Variants in SLC1A2 observed in about 807,000 individuals in gnomAD.
SLC1A2 encodes solute carrier family 1 member 2, also known as excitatory amino acid transporter 2.
SLC1A2 carries 15 observed loss-of-function variants against 48.8 expected under a neutral mutation model. That is an observed-to-expected ratio of 0.31 (90% CI 0.21 to 0.47). The LOEUF (loss-of-function observed/expected upper bound fraction) is 0.47. Ranked by LOEUF, SLC1A2 falls within the 20% of genes least tolerant of loss-of-function variation. SLC1A2 has a pLI of 0.99. For missense variants in SLC1A2, 502 were observed against 730.5 expected (o/e 0.69, Z 3.61); for synonymous variants, 279 against 272.6 (o/e 1.02, Z -0.23).
intron 6 of SLC1A2, among the ~76,000 whole-genome samples, chr11:35,295,032 A>G (rs1315486331): frequency 6.6e-6 from 1 of 151,904 alleles, no homozygotes; most frequent in East Asian, 1.9e-4. Context: ...GCCTATTTTT[A>G]TTTTATTTAT....
Position 35,266,584 on chromosome 11 carries a change from A to C in SLC1A2, c.1422-826T>G, listed in dbSNP as rs1010229853. 3.9e-5 allele frequency among the ~76,000 whole-genome samples: 6 copies of C among 152,334 alleles called. 1 individual carries two copies. The highest frequency in any genetic ancestry group is 3.9e-4 in the Admixed American group (6 of 15,302). ...TGCCAGGAAAGCTAATTAAATTCTT[A>C]AGAGTAAGTTTTCTCCTCTCATCCA... On this transcript the variant is annotated intron_variant, in intron 9 of 10. Transcript: ENST00000278379.
chr11:35,298,537 A>G lies in SLC1A2; in HGVS notation c.857+2982T>C, dbSNP rs4756208. ...CTGATGCTGACGAGGCAGTGAAAGAATTAAAGAAATGTGTAGAATTGGCAT... is the reference window on the plus strand; with the variant it reads ...CTGATGCTGACGAGGCAGTGAAAGAGTTAAAGAAATGTGTAGAATTGGCAT... On this transcript the variant is annotated intron_variant, in intron 6 of 10. Transcript: ENST00000278379. 3.9e-4 allele frequency: 59 copies of G among 152,138 alleles called. No homozygotes were observed. The Middle Eastern group carries it at 0.01, about 26-fold the overall frequency. 9.4% of individuals were successfully genotyped at this position (152,138 alleles called of 1,614,324 possible).
intron 1 of SLC1A2, among the ~76,000 whole-genome samples, chr11:35,406,285 A>C (rs1366244639): frequency 6.6e-6 from 1 of 152,192 alleles, no homozygotes; most frequent in African/African-American, 2.4e-5. Flanking sequence ...ATCTAGGAGG[A>C]CATGATGATG....
intron 1 of SLC1A2, 142 bp from the exon 2 acceptor site, chr11:35,317,658 G>T (rs192723184): frequency 2.0e-6 from 2 of 993,268 alleles, no homozygotes; most frequent in Non-Finnish European, 3.0e-6. Flanking sequence ...GTGACTCAGG[G>T]TCACCTATAA....
At chr11:35,331,657 A>C (rs889882546) in intron 1 of SLC1A2, among the ~76,000 whole-genome samples, 1 of 152,216 alleles carries the variant, frequency 6.6e-6, no homozygotes, top group African/African-American at 2.4e-5. Context: ...ATCCTCTTGC[A>C]CGATCCATTC....
rs1046034202 is a variant in SLC1A2 at position 35,254,546 on chromosome 11, G to C, written c.*6348C>G. ...TGCCCCCTAGCAAAGGCAACAGGCT[G>C]TTTCCAGGCAGGCAAAATGGTTGCC... On this transcript the variant is annotated 3_prime_UTR_variant, in exon 11 of 11. Coordinates refer to ENST00000278379, the MANE Select transcript of SLC1A2 (RefSeq NM_004171.4). The C allele has an allele frequency of 3.4e-6, 1 of 296,274 alleles. No homozygotes were observed. Among genetic ancestry groups the C allele is most frequent in the Non-Finnish European group, 6.6e-6 (1 of 152,082 alleles). 18.4% of individuals were successfully genotyped at this position (296,274 alleles called of 1,614,324 possible).
intron 10 of SLC1A2, chr11:35,265,288 A>C (rs1950462447): frequency 1.8e-6 from 1 of 551,560 alleles, no homozygotes; most frequent in Non-Finnish European, 3.2e-6. Context: ...TGGTTGTTTC[A>C]CATCACATGG....
chr11:35,316,213 T>C, intron 2 of SLC1A2: 1 of 152,216 alleles, frequency 6.6e-6, no homozygotes, highest in Non-Finnish European at 1.5e-5. Flanking sequence ...AAGAAAAATT[T>C]TATATCTCTG....
At chr11:35,417,670 T>TA (rs146990646) in intron 1 of SLC1A2, among the ~76,000 whole-genome samples, 118 of 152,204 alleles carry the variant, frequency 7.8e-4, no homozygotes, top group African/African-American at 2.7e-3. Flanking sequence ...AACTGCAAAA[T>TA]AGGGCAAAGG....
intron 5 of SLC1A2, among the ~76,000 whole-genome samples, chr11:35,305,712 G>A (rs1260027452): frequency 1.3e-5 from 2 of 152,340 alleles, no homozygotes; most frequent in Non-Finnish European, 1.5e-5. Context: ...CATGGGGGCA[G>A]CTTTTAAAAA....
intron 3 of SLC1A2, among the ~76,000 whole-genome samples, chr11:35,314,652 G>A (rs1053427028): frequency 3.3e-5 from 5 of 151,418 alleles, no homozygotes; most frequent in African/African-American, 1.2e-4. Context: ...GGCACAGGTT[G>A]CAGTGAGCTG....
chr11:35,300,030 A>G (rs979780854), intron 6 of SLC1A2, among the ~76,000 whole-genome samples: 2 of 152,244 alleles, frequency 1.3e-5, no homozygotes, highest in African/African-American at 4.8e-5. Flanking sequence ...GATATGGGAC[A>G]CCAAAAGTTT....
intron 8 of SLC1A2, chr11:35,285,689 G>A (rs1030732425): frequency 6.6e-6 from 1 of 152,244 alleles, no homozygotes; most frequent in Non-Finnish European, 1.5e-5. Flanking sequence ...ATAAGTAATA[G>A]GGAGCAGGGG....
chr11:35,374,840 A>C (rs1302073375), intron 1 of SLC1A2, among the ~76,000 whole-genome samples: 1 of 152,202 alleles, frequency 6.6e-6, no homozygotes, highest in Non-Finnish European at 1.5e-5. Context: ...TGTCATTAAG[A>C]TATATCTATA....
At chr11:35,273,414 C>T (rs184309455) in intron 9 of SLC1A2, among the ~76,000 whole-genome samples, 23 of 152,322 alleles carry the variant, frequency 1.5e-4, no homozygotes, top group Admixed American at 9.8e-4. Context: ...CTGTCCTGCT[C>T]AGCTTTCTCA....
chr11:35,294,974 G>T (rs1422934116), intron 6 of SLC1A2, among the ~76,000 whole-genome samples: 1 of 152,156 alleles, frequency 6.6e-6, no homozygotes, highest in Non-Finnish European at 1.5e-5. Context: ...GTAGAAGAAG[G>T]TAAGAACGTT....
At chr11:35,328,174 C>T (rs1852308312) in intron 1 of SLC1A2, among the ~76,000 whole-genome samples, 1 of 152,176 alleles carries the variant, frequency 6.6e-6, no homozygotes, top group African/African-American at 2.4e-5. Flanking sequence ...CAACTGACTC[C>T]TCCCTTCAGG....
At chr11:35,417,069 A>G (rs1299066416) in intron 1 of SLC1A2, among the ~76,000 whole-genome samples, 1 of 152,252 alleles carries the variant, frequency 6.6e-6, no homozygotes, top group Admixed American at 6.5e-5. Context: ...CTGCTGTTAA[A>G]TAATAATGGG....
In SLC1A2 at chr11:35,301,458, C is replaced by T. The variant is rs1026534365; in HGVS notation, c.857+61G>A. The T allele has an allele frequency of 2.7e-5, 42 of 1,564,802 alleles. No individual in the cohort carries two copies. In the Middle Eastern group the frequency reaches 5.0e-4, roughly 19 times the overall value. On this transcript the variant is annotated intron_variant, in intron 6 of 10. Coordinates refer to ENST00000278379, the MANE Select transcript of SLC1A2 (RefSeq NM_004171.4). ...TTTCCTGCAGGGAGAGCTCCAGTATCCTCTGGGGACCCCAAGGCTTTCTCA... is the reference window on the plus strand; with the variant it reads ...TTTCCTGCAGGGAGAGCTCCAGTATTCTCTGGGGACCCCAAGGCTTTCTCA...
Sources: allele counts gnomAD v4.1 joint callset (sites outside exome capture counted in the v4.1 genomes callset), GRCh38; gene constraint gnomAD v4.1.1; transcripts MANE v1.5; gene names NCBI Gene and HGNC (gene_info 2026-07-23, HGNC 2026-07-21).